Variants in FRMD8 observed in about 807,000 individuals in gnomAD.
FRMD8 encodes FERM domain containing 8.
In FRMD8, 37 loss-of-function variants were observed where a neutral mutation model predicts 54.2. The observed-to-expected ratio is 0.68, with a 90% CI of 0.53 to 0.90. The LOEUF is 0.90. FRMD8 is among the 40% of genes least tolerant of loss of function. The pLI is 0.00. For synonymous variants in FRMD8, 246 were observed against 286.9 expected (o/e 0.86, Z 1.44); for missense variants, 585 against 653.7 (o/e 0.89, Z 1.15).
intron 9 of FRMD8, among the ~76,000 whole-genome samples, chr11:65,401,744 C>A (rs1309777418): frequency 1.7e-4 from 25 of 151,328 alleles, no homozygotes; most frequent in Non-Finnish European, 2.8e-4. Context: ...TCCTGGCCCC[C>A]CTCGAGGGCA....
At chr11:65,391,006 C>T (rs1855834428) in intron 3 of FRMD8, among the ~76,000 whole-genome samples, 1 of 152,146 alleles carries the variant, frequency 6.6e-6, no homozygotes, top group Admixed American at 6.5e-5. Context: ...TGACTTGGGC[C>T]CCCCCAGAAC....
At chr11:65,401,853 A>G (rs1414588153) in intron 9 of FRMD8, among the ~76,000 whole-genome samples, 1 of 136,922 alleles carries the variant, frequency 7.3e-6, no homozygotes, top group Non-Finnish European at 1.5e-5. Context: ...TGAGACGGAG[A>G]CTGGTTTATG....
At chr11:65,376,123 G>T in the FRMD8 span, 12 of 459,636 alleles carry the variant, frequency 2.6e-5, no homozygotes, top group East Asian at 7.7e-5. Context: ...GAGCTGGGAT[G>T]TCACCAGCAC....
At chr11:65,376,648 C>T in the FRMD8 span, 9 of 1,613,996 alleles carry the variant, frequency 5.6e-6, no homozygotes, top group South Asian at 3.3e-5. Flanking sequence ...GCCTGCAAAG[C>T]CCCCTGCCAC....
intron 2 of FRMD8, 49 bp downstream of exon 2, chr11:65,387,170 C>A: frequency 4.2e-6 from 6 of 1,435,536 alleles, no homozygotes; most frequent in Non-Finnish European, 5.8e-6. Context: ...GGACCCCAGC[C>A]CTGGAGAAGT....
Position 65,411,587 on chromosome 11 carries a change from T to G in FRMD8, c.*227T>G. The G allele has an allele frequency of 2.4e-6, 1 of 420,448 alleles. No individual in the cohort carries two copies. The highest frequency in any genetic ancestry group is 3.8e-5 in the East Asian group (1 of 26,516). The allele number at this position is 420,448 out of a possible 1,614,324, so 26.0% of individuals were successfully genotyped here. On this transcript the variant is annotated 3_prime_UTR_variant, in exon 11 of 11. Transcript: ENST00000317568. ...GGGCTCCTCTGCAGCCTGCCCTCCCTTCCCCCGGATGCTGGGCCCTGCTGC... is the reference window on the plus strand; with the variant it reads ...GGGCTCCTCTGCAGCCTGCCCTCCCGTCCCCCGGATGCTGGGCCCTGCTGC...
the FRMD8 span, among the ~76,000 whole-genome samples, chr11:65,374,157 A>G: frequency 6.6e-6 from 1 of 152,214 alleles, no homozygotes. Context: ...CTAAAAATAC[A>G]AAAACTAGTT....
At chr11:65,392,660 C>T (rs150932239) in intron 3 of FRMD8, among the ~76,000 whole-genome samples, 284 of 152,286 alleles carry the variant, frequency 1.9e-3, no homozygotes, top group Non-Finnish European at 3.1e-3. Context: ...CTTGGTCATT[C>T]TGCCAACCCC....
At chr11:65,387,156 C>T (rs761227112) in intron 2 of FRMD8, 35 bp downstream of exon 2, 1 of 1,536,574 alleles carries the variant, frequency 6.5e-7, no homozygotes, top group Non-Finnish European at 8.9e-7. Context: ...TCCACACCCT[C>T]CTGGGACCCC....
At chr11:65,393,695 G>T in intron 4 of FRMD8, 21 bp downstream of exon 4, 1 of 1,583,654 alleles carries the variant, frequency 6.3e-7, no homozygotes, top group Non-Finnish European at 8.6e-7. Flanking sequence ...CTGCCTGTCT[G>T]TCCTTGCCTC....
intron 9 of FRMD8, among the ~76,000 whole-genome samples, chr11:65,403,506 C>T (rs1856125950): frequency 1.3e-5 from 2 of 152,286 alleles, no homozygotes; most frequent in South Asian, 2.1e-4. Flanking sequence ...TCTATGTGGA[C>T]AGTCGTGTGG....
intron 10 of FRMD8, 31 bp downstream of exon 10, chr11:65,405,099 C>G: frequency 1.3e-6 from 2 of 1,596,396 alleles, no homozygotes; most frequent in South Asian, 1.1e-5. Flanking sequence ...TGTGCACACA[C>G]AAACACGCAT....
the FRMD8 span, among the ~76,000 whole-genome samples, chr11:65,368,548 A>AGTTTTGTTTT: frequency 2.7e-5 from 4 of 150,208 alleles, no homozygotes; most frequent in African/African-American, 4.9e-5. Context: ...TGCCAGCTAG[A>AGTTTTGTTTT]GTTTTGTTTT....
the FRMD8 span, chr11:65,379,266 C>G: frequency 7.7e-7 from 1 of 1,306,972 alleles, no homozygotes; most frequent in Admixed American, 1.9e-5. Flanking sequence ...TGTTCCCCTC[C>G]AAGAGGCCTA....
chr11:65,373,648 G>A, the FRMD8 span, among the ~76,000 whole-genome samples: 21 of 152,152 alleles, frequency 1.4e-4, no homozygotes, highest in African/African-American at 3.1e-4. Context: ...GTACAGTGGC[G>A]CAATCAAAAC....
chr11:65,405,615 T>A (rs193161581), intron 10 of FRMD8, among the ~76,000 whole-genome samples: 1 of 151,994 alleles, frequency 6.6e-6, no homozygotes, highest in Admixed American at 6.6e-5. Context: ...AGAGCAAGAC[T>A]CCGTCTCAAA....
At chr11:65,382,052 T>C, upstream of FRMD8, 1 of 1,048,190 alleles carries the variant, frequency 9.5e-7, no homozygotes, top group Non-Finnish European at 1.5e-6. The surrounding 1 kb of genome is among the most constrained non-coding windows in gnomAD (Gnocchi z 4.4). Context: ...CACTAATGTT[T>C]AACCCTGGCG....
intron 10 of FRMD8, 110 bp from the exon 11 acceptor site, chr11:65,411,132 A>C: frequency 1.2e-6 from 1 of 805,324 alleles, no homozygotes; most frequent in East Asian, 2.8e-5. Context: ...CAGTCTGACC[A>C]GGCTCTGGAA....
Position 65,389,479 on chromosome 11 carries a change from A to G in FRMD8, c.204A>G (p.Pro68=), listed in dbSNP as rs763305900. 5 of 1,608,262 alleles carry G rather than the reference A, an allele frequency of 3.1e-6. No individual in the cohort carries two copies. In the East Asian group the frequency reaches 1.1e-4, roughly 36 times the overall value. The change falls in exon 3 of 11, where the codon CCA becomes CCG. Residue 68 remains proline (P), a synonymous_variant. Coordinates refer to ENST00000317568, the MANE Select transcript of FRMD8 (RefSeq NM_031904.5). ...HRAVREVLQL[P]DIALDVFALW... ...CTGTCCGCGAGGTCCTGCAGCTTCC[A>G]GACATCGCCCTGGATGTCTTCGCGC... is the stretch of plus-strand genomic sequence containing the variant.
Sources: allele counts gnomAD v4.1 joint callset (sites outside exome capture counted in the v4.1 genomes callset), GRCh38; gene constraint gnomAD v4.1.1; non-coding constraint Gnocchi (gnomAD v3.1); transcripts MANE v1.5; gene names NCBI Gene and HGNC (gene_info 2026-07-23, HGNC 2026-07-21).